DLG1: variants seen among roughly 807,000 people sequenced by gnomAD.
The protein encoded by DLG1 is disks large homolog 1.
A neutral mutation model predicts 123.4 loss-of-function variants in DLG1; 42 were observed. That is an observed-to-expected ratio of 0.34 (90% CI 0.27 to 0.44). The LOEUF (loss-of-function observed/expected upper bound fraction) is 0.44, where lower values mean the gene tolerates loss of function less well. Among genes scored for constraint, DLG1 ranks in the 20% least tolerant of loss-of-function variants. The pLI, the probability that DLG1 is intolerant of heterozygous loss-of-function variation, is 1.00. For synonymous variants in DLG1, 317 were observed against 356.2 expected, an observed-to-expected ratio of 0.89 and a Z score of 1.24; for missense variants, 942 against 1,082.6, an observed-to-expected ratio of 0.87 and a Z score of 1.82.
chr3:197,233,024 C>T (rs1005346510), intron 4 of DLG1, among the ~76,000 whole-genome samples: 3 of 152,040 alleles, frequency 2.0e-5, no homozygotes, highest in Non-Finnish European at 4.4e-5. Context: ...AAAAGCATAA[C>T]TGACTGGAAA....
chr3:197,288,069 C>T lies in DLG1; in HGVS notation c.152-5224G>A, dbSNP rs1267424256. On this transcript the variant is annotated intron_variant, in intron 3 of 24. Transcript: ENST00000667157. ...TCCTAGGAAACCATTAAAAAAACTA[C>T]AGAAAATCTATATAGGCCGGGTGCA... Among the ~76,000 whole-genome samples, 5 of 152,066 alleles carry T rather than the reference C, an allele frequency of 3.3e-5. No homozygotes were observed. In the East Asian group the frequency reaches 9.6e-4, roughly 29 times the overall value.
At chr3:197,105,596 T>C (rs757184437) in intron 13 of DLG1, among the ~76,000 whole-genome samples, 2 of 152,246 alleles carry the variant, frequency 1.3e-5, no homozygotes, top group Non-Finnish European at 2.9e-5. Flanking sequence ...TTAAGAGCCC[T>C]TCCTTAGGTG....
At position 197,137,965 on chromosome 3, in the gene DLG1, C is replaced by T. The variant is rs188637883; in HGVS notation, c.883+257G>A. Among the ~76,000 whole-genome samples the T allele has an allele frequency of 9.9e-4, 130 of 131,418 alleles. 2 individuals carry two copies. Among genetic ancestry groups the T allele is most frequent in the East Asian group, 1.3e-3 (6 of 4,450 alleles). 86.2% of individuals were successfully genotyped at this position (131,418 alleles called of 152,430 possible). Reference sequence around the variant, plus strand: ...CCAGCCAGGGTGACAGGGCAAAACCCTGCCTCAAAAAAACAAACAAAAAAA... The same window carrying T: ...CCAGCCAGGGTGACAGGGCAAAACCTTGCCTCAAAAAAACAAACAAAAAAA... On this transcript the variant is annotated intron_variant, in intron 9 of 24. Transcript: ENST00000667157.
At chr3:197,253,912 T>TA (rs1561705049) in intron 4 of DLG1, among the ~76,000 whole-genome samples, 1 of 151,554 alleles carries the variant, frequency 6.6e-6, no homozygotes, top group Non-Finnish European at 1.5e-5. Context: ...AACCCAAAAT[T>TA]AAAGGTTTAA....
intron 6 of DLG1, among the ~76,000 whole-genome samples, chr3:197,145,055 T>TCA (rs34377415): frequency 0.14 from 21,313 of 148,504 alleles, 1,754 homozygotes; most frequent in South Asian, 0.35. Flanking sequence ...TCTCTCTCTC[T>TCA]CACACACACA....
intron 4 of DLG1, among the ~76,000 whole-genome samples, chr3:197,225,256 C>T (rs1341400390): frequency 6.6e-6 from 1 of 152,202 alleles, no homozygotes; most frequent in Non-Finnish European, 1.5e-5. Flanking sequence ...AATGCACCCG[C>T]TCTTTGTTCC....
intron 5 of DLG1, among the ~76,000 whole-genome samples, chr3:197,153,729 C>G (rs1357825340): frequency 6.6e-6 from 1 of 152,144 alleles, no homozygotes; most frequent in Non-Finnish European, 1.5e-5. Context: ...ACATTAAAAA[C>G]CAACCACATG....
chr3:197,233,810 G>A (rs988126059), intron 4 of DLG1, among the ~76,000 whole-genome samples: 30 of 152,270 alleles, frequency 2.0e-4, no homozygotes, highest in Admixed American at 1.2e-3. Context: ...GTAAGCCACC[G>A]TGCCCAGCCT....
intron 4 of DLG1, among the ~76,000 whole-genome samples, chr3:197,245,899 T>TG (rs1554044922): frequency 0.023 from 2,161 of 93,320 alleles, 171 homozygotes; most frequent in East Asian, 0.078. Context: ...TTTTTTTTTT[T>TG]TGGGGGGGGG....
chr3:197,136,291 C>T (rs1785026020), intron 10 of DLG1: 2 of 348,292 alleles, frequency 5.7e-6, no homozygotes, highest in East Asian at 5.0e-5. Context: ...TATGATGAAA[C>T]ACTCTGTGCA....
chr3:197,178,902 T>C (rs9843908), intron 5 of DLG1, among the ~76,000 whole-genome samples: 80,968 of 151,882 alleles, frequency 0.53, 21,977 homozygotes, highest in East Asian at 0.79. Flanking sequence ...TACATCCTGA[T>C]AGGACTTATA....
chr3:197,107,804 C>CTTTTT (rs542696810), intron 13 of DLG1, among the ~76,000 whole-genome samples: 7 of 139,454 alleles, frequency 5.0e-5, no homozygotes, highest in Non-Finnish European at 6.2e-5. Flanking sequence ...TTCTGGTAGC[C>CTTTTT]TTTTTTTTTT....
chr3:197,182,674 T>C (rs1713037107), intron 5 of DLG1, among the ~76,000 whole-genome samples: 1 of 149,334 alleles, frequency 6.7e-6, no homozygotes, highest in Admixed American at 6.8e-5. Flanking sequence ...ATATCACTGA[T>C]GTCAGAGGAC....
chr3:197,295,808 C>T (rs914948888), intron 3 of DLG1, among the ~76,000 whole-genome samples: 1 of 152,086 alleles, frequency 6.6e-6, no homozygotes, highest in African/African-American at 2.4e-5. Context: ...AACAATGCAC[C>T]ACTTCAAATT....
At chr3:197,252,060 T>C (rs1300947260) in intron 4 of DLG1, among the ~76,000 whole-genome samples, 1 of 152,214 alleles carries the variant, frequency 6.6e-6, no homozygotes, top group Non-Finnish European at 1.5e-5. Context: ...TTATAGTTCT[T>C]GTTCCTTGCT....
chr3:197,255,702 G>A (rs952801101), intron 4 of DLG1, among the ~76,000 whole-genome samples: 30 of 151,674 alleles, frequency 2.0e-4, no homozygotes, highest in African/African-American at 7.3e-4. Context: ...AGTAAAAGAA[G>A]CCATAATTAA....
rs895005664 is a variant in DLG1 at position 197,256,878 on chromosome 3, G to A, written c.318+25801C>T. Among the ~76,000 whole-genome samples the A allele has an allele frequency of 3.3e-5, 5 of 152,080 alleles. 1 individual carries two copies. Among genetic ancestry groups the A allele is most frequent in the Admixed American group, 3.3e-4 (5 of 15,284 alleles). ...TAATGAACTTATTTAATAGTAGTTA[G>A]CATTATTAGGAAACACTTGATTATA... On this transcript the variant is annotated intron_variant, in intron 4 of 24. Coordinates refer to ENST00000667157, the MANE Select transcript of DLG1 (RefSeq NM_001366207.1).
At chr3:197,258,194 A>C (rs1430389264) in intron 4 of DLG1, among the ~76,000 whole-genome samples, 1 of 152,218 alleles carries the variant, frequency 6.6e-6, no homozygotes, top group East Asian at 1.9e-4. Context: ...ATTTTCACTA[A>C]AAGGCAAAAC....
chr3:197,183,693 C>T lies in DLG1; in HGVS notation c.483+10732G>A. On this transcript the variant is annotated intron_variant, in intron 5 of 24. Transcript: ENST00000667157. ...CTCAGCTTGCAGTTCATCTGACGAG[C>T]CCTTTTTTGCCCAGTGTTTCTGCTT... The T allele has an allele frequency of 4.5e-6, 7 of 1,550,538 alleles. 1 individual carries two copies. In the South Asian group the frequency reaches 7.1e-5, roughly 16 times the overall value.
Sources: gnomAD v4.1 joint callset for allele counts (sites outside exome capture counted in the v4.1 genomes callset) on GRCh38, gnomAD v4.1.1 for gene constraint, MANE v1.5 for transcripts, NCBI Gene and HGNC (gene_info 2026-07-23, HGNC 2026-07-21) for gene names.